NOS1AP: variants seen among roughly 807,000 people sequenced by gnomAD.
NOS1AP encodes the protein carboxyl-terminal PDZ ligand of neuronal nitric oxide synthase protein.
Under a neutral mutation model 56.2 loss-of-function variants are expected in NOS1AP, and 21 were observed. The ratio of observed to expected loss-of-function variants is 0.37; its 90% CI spans 0.26 to 0.54. The LOEUF is 0.54. Ranked by LOEUF, NOS1AP falls within the 20% of genes least tolerant of loss-of-function variation. The pLI is 0.84. For missense variants in NOS1AP, 522 were observed against 657.8 expected (o/e 0.79, Z 2.26); for synonymous variants, 270 against 274.6 (o/e 0.98, Z 0.17).
intron 6 of NOS1AP, among the ~76,000 whole-genome samples, chr1:162,352,328 G>T (rs1403074140): frequency 6.6e-6 from 1 of 151,814 alleles, no homozygotes; most frequent in South Asian, 2.1e-4. Context: ...CAAAGTGCTG[G>T]AATTATAGGC....
At chr1:162,074,152 T>C (rs576512219) in intron 1 of NOS1AP, among the ~76,000 whole-genome samples, 4 of 152,354 alleles carry the variant, frequency 2.6e-5, no homozygotes, top group Non-Finnish European at 5.9e-5. Context: ...GTTATCTCGA[T>C]TTTTCAGACC....
At chr1:162,171,189 G>A (rs954373685) in intron 2 of NOS1AP, among the ~76,000 whole-genome samples, 9 of 152,128 alleles carry the variant, frequency 5.9e-5, no homozygotes, top group Non-Finnish European at 8.8e-5. Flanking sequence ...GGGATGGAGC[G>A]GGAGGGTGCA....
chr1:162,304,462 AG>A (rs1348004531), intron 4 of NOS1AP, among the ~76,000 whole-genome samples: 1 of 152,102 alleles, frequency 6.6e-6, no homozygotes, highest in East Asian at 1.9e-4. Flanking sequence ...TTTTTAAAAA[AG>A]TTTTTTTATT....
chr1:162,222,356 G>A (rs980499165), intron 2 of NOS1AP, among the ~76,000 whole-genome samples: 2 of 152,150 alleles, frequency 1.3e-5, no homozygotes, highest in Admixed American at 1.3e-4. Context: ...TTGAGCACAG[G>A]CAGTTGTTTC....
intron 1 of NOS1AP, among the ~76,000 whole-genome samples, chr1:162,078,054 GCCAGCC>G (rs1691808669): frequency 6.6e-6 from 1 of 152,144 alleles, no homozygotes; most frequent in South Asian, 2.1e-4. Flanking sequence ...CTTGCAGTCA[GCCAGCC>G]CCTTGCCCCT....
Position 162,221,520 on chromosome 1 carries a change from G to GCA in NOS1AP, c.178-65816_178-65815dup, listed in dbSNP as rs1295505482. On this transcript the variant is annotated intron_variant, in intron 2 of 9. Transcript: ENST00000361897. ...TCTTTTTTTAATGCAACACACACAC[G>GCA]CACACACACGCGCGCACACACACAC... Among the ~76,000 whole-genome samples, 348 of 100,828 alleles carry GCA rather than the reference G, an allele frequency of 3.5e-3. 4 individuals are homozygous for GCA. Among genetic ancestry groups the GCA allele is most frequent in the African/African-American group, 0.012 (297 of 24,906 alleles). 66.1% of individuals were successfully genotyped at this position (100,828 alleles called of 152,430 possible).
intron 2 of NOS1AP, among the ~76,000 whole-genome samples, chr1:162,215,301 G>A (rs1037624705): frequency 6.6e-6 from 1 of 152,248 alleles, no homozygotes; most frequent in Non-Finnish European, 1.5e-5. Context: ...CACAGCACTC[G>A]ACTGCGGTCA....
At chr1:162,162,800 A>C (rs1016710934) in intron 2 of NOS1AP, among the ~76,000 whole-genome samples, 1 of 152,132 alleles carries the variant, frequency 6.6e-6, no homozygotes, top group Non-Finnish European at 1.5e-5. Flanking sequence ...CAGCTTTTTG[A>C]GGTATAATTT....
intron 2 of NOS1AP, among the ~76,000 whole-genome samples, chr1:162,277,110 C>A (rs1283785337): frequency 6.6e-6 from 1 of 152,116 alleles, no homozygotes; most frequent in Admixed American, 6.6e-5. Context: ...CCTTGGCTCT[C>A]CCCAGACCTG....
chr1:162,164,504 C>G (rs1170931958), intron 2 of NOS1AP, among the ~76,000 whole-genome samples: 1 of 152,178 alleles, frequency 6.6e-6, no homozygotes, highest in African/African-American at 2.4e-5. Context: ...ACTCTGTACC[C>G]ATTAAACAAT....
chr1:162,276,911 A>G (rs575730824), intron 2 of NOS1AP, among the ~76,000 whole-genome samples: 1 of 152,320 alleles, frequency 6.6e-6, no homozygotes, highest in South Asian at 2.1e-4. Context: ...GAATATTGAC[A>G]TATATAATTG....
chr1:162,081,301 G>A (rs1470328190), intron 1 of NOS1AP, among the ~76,000 whole-genome samples: 1 of 152,148 alleles, frequency 6.6e-6, no homozygotes, highest in Non-Finnish European at 1.5e-5. Context: ...CAGGTCTGCT[G>A]TTCTGTGCCA....
chr1:162,305,369 T>A (rs1448234840), intron 4 of NOS1AP, among the ~76,000 whole-genome samples: 1 of 151,156 alleles, frequency 6.6e-6, no homozygotes, highest in Non-Finnish European at 1.5e-5. Flanking sequence ...ATGGTGGACA[T>A]CTAAACCAAT....
At chr1:162,241,431 G>T (rs1427296312) in intron 2 of NOS1AP, among the ~76,000 whole-genome samples, 1 of 152,208 alleles carries the variant, frequency 6.6e-6, no homozygotes, top group Admixed American at 6.5e-5. Context: ...TCAGAGGAGA[G>T]AGAGATCGTG....
At chr1:162,133,915 A>T (rs1378206057) in intron 1 of NOS1AP, among the ~76,000 whole-genome samples, 1 of 152,222 alleles carries the variant, frequency 6.6e-6, no homozygotes, top group East Asian at 1.9e-4. Flanking sequence ...CATGCTTGGC[A>T]TGAAGTAGTA....
chr1:162,073,229 C>T (rs548377300), intron 1 of NOS1AP, among the ~76,000 whole-genome samples: 1 of 152,160 alleles, frequency 6.6e-6, no homozygotes, highest in Non-Finnish European at 1.5e-5. Context: ...AGGACATAGG[C>T]TCAGGGAGGT....
At chr1:162,094,826 G>T (rs1435458822) in intron 1 of NOS1AP, among the ~76,000 whole-genome samples, 3 of 152,140 alleles carry the variant, frequency 2.0e-5, no homozygotes, top group Non-Finnish European at 4.4e-5. Context: ...AGTGGGTGAG[G>T]GTGGAAACCA....
chr1:162,172,943 A>T (rs533954766), intron 2 of NOS1AP, among the ~76,000 whole-genome samples: 8 of 140,370 alleles, frequency 5.7e-5, no homozygotes, highest in African/African-American at 2.0e-4. Flanking sequence ...TTTTTTTGTG[A>T]TGGGGTCTCA....
intron 5 of NOS1AP, among the ~76,000 whole-genome samples, chr1:162,336,913 A>G (rs951768239): frequency 6.6e-6 from 1 of 152,196 alleles, no homozygotes. Context: ...CCCATGCTAG[A>G]AAGGAGGGAT....
Sources: gnomAD v4.1 joint callset for allele counts (sites outside exome capture counted in the v4.1 genomes callset) on GRCh38, gnomAD v4.1.1 for gene constraint, MANE v1.5 for transcripts, NCBI Gene and HGNC (gene_info 2026-07-23, HGNC 2026-07-21) for gene names.